The following FNBP1 variants were observed in gnomAD, a reference collection of about 807,000 sequenced individuals.
FNBP1 encodes the protein formin-binding protein 1.
A neutral mutation model predicts 90.6 loss-of-function variants in FNBP1; 26 were observed. The observed-to-expected ratio is 0.29, with a 90% CI of 0.21 to 0.40. FNBP1 has a LOEUF of 0.40. Ranked by LOEUF, FNBP1 falls within the 10% of genes least tolerant of loss-of-function variation. FNBP1 has a pLI of 1.00. For synonymous variants in FNBP1, 260 were observed against 265.2 expected, an observed-to-expected ratio of 0.98 and a Z score of 0.19; for missense variants, 635 against 768.0, an observed-to-expected ratio of 0.83 and a Z score of 2.05.
At chr9:129,913,788 CA>C (rs2039776524) in intron 11 of FNBP1, among the ~76,000 whole-genome samples, 1 of 151,934 alleles carries the variant, frequency 6.6e-6, no homozygotes, top group African/African-American at 2.4e-5. Context: ...AAAAAAAAAT[CA>C]AACCCTTGCT....
intron 1 of FNBP1, among the ~76,000 whole-genome samples, chr9:130,039,190 A>G (rs2059608912): frequency 1.3e-5 from 2 of 152,344 alleles, no homozygotes; most frequent in African/African-American, 4.8e-5. Context: ...TAGAGGTAAA[A>G]CCTACTTTCT....
Position 129,925,713 on chromosome 9 carries a change from C to T in FNBP1, c.790-556G>A, listed in dbSNP as rs192296573. The stretch of plus-strand genomic sequence containing the variant: ...GGTTTAAGCGATTCTCCTGCCTCAG[C>T]CTCCCGAGTAGCTGGGATTACAGGC... On this transcript the variant is annotated intron_variant, in intron 8 of 16. Transcript: ENST00000446176. 5.9e-4 allele frequency among the ~76,000 whole-genome samples: 88 copies of T among 148,966 alleles called. 2 individuals are homozygous for T. In the East Asian group the frequency reaches 0.017, roughly 29 times the overall value.
chr9:129,997,611 C>T (rs996620970), intron 1 of FNBP1, among the ~76,000 whole-genome samples: 9 of 152,192 alleles, frequency 5.9e-5, no homozygotes. Context: ...ATTGAGAGCA[C>T]GACTTCGTCA....
chr9:129,968,488 A>G (rs1319192882), intron 4 of FNBP1, among the ~76,000 whole-genome samples: 1 of 151,978 alleles, frequency 6.6e-6, no homozygotes, highest in Non-Finnish European at 1.5e-5. Context: ...CCTTCATGCT[A>G]AGCTTTACCT....
chr9:130,043,829 C>T (rs1316091198), upstream of FNBP1, among the ~76,000 whole-genome samples: 1 of 152,244 alleles, frequency 6.6e-6, no homozygotes, highest in Non-Finnish European at 1.5e-5. Context: ...CGTGAAATCA[C>T]GTTACCGCCT....
intron 1 of FNBP1, among the ~76,000 whole-genome samples, chr9:130,016,096 CTG>C (rs2057207141): frequency 1.3e-5 from 2 of 152,130 alleles, no homozygotes; most frequent in Admixed American, 6.6e-5. Flanking sequence ...ATTAAGGTAA[CTG>C]TCTTATTTTG....
At chr9:129,997,360 T>C (rs2054169935) in intron 1 of FNBP1, among the ~76,000 whole-genome samples, 1 of 152,094 alleles carries the variant, frequency 6.6e-6, no homozygotes, top group Non-Finnish European at 1.5e-5. Context: ...AAAACAAAAG[T>C]GCAAAATGTT....
chr9:130,048,825 G>C, the FNBP1 span, among the ~76,000 whole-genome samples: 1 of 130,270 alleles, frequency 7.7e-6, no homozygotes, highest in African/African-American at 3.0e-5. Flanking sequence ...CTGTCGCCCA[G>C]GCTGGAGTGC....
intron 4 of FNBP1, among the ~76,000 whole-genome samples, chr9:129,963,965 T>G (rs995706780): frequency 1.3e-5 from 2 of 152,068 alleles, no homozygotes; most frequent in Non-Finnish European, 2.9e-5. Context: ...GGCCATAACA[T>G]ACGAAAAACT....
At chr9:129,935,527 G>A (rs971803154) in intron 6 of FNBP1, among the ~76,000 whole-genome samples, 2 of 151,188 alleles carry the variant, frequency 1.3e-5, no homozygotes, top group African/African-American at 4.9e-5. Context: ...TCACTCTGTT[G>A]CCCAGGCTGG....
At chr9:129,903,332 G>A (rs1038668187) in intron 12 of FNBP1, among the ~76,000 whole-genome samples, 3 of 151,856 alleles carry the variant, frequency 2.0e-5, no homozygotes, top group African/African-American at 4.8e-5. Context: ...GATTATAGGC[G>A]TGAGCTACCG....
chr9:130,019,426 T>C (rs914921462), intron 1 of FNBP1, among the ~76,000 whole-genome samples: 3 of 152,216 alleles, frequency 2.0e-5, no homozygotes, highest in Admixed American at 6.5e-5. Context: ...AAAAAGTCTT[T>C]ATAGGTTCAA....
Position 129,900,218 on chromosome 9 carries a change from T to A in FNBP1, c.1551-117A>T. 2 of 1,244,126 alleles carry A rather than the reference T, an allele frequency of 1.6e-6. No individual in the cohort carries two copies. The highest frequency in any genetic ancestry group is 2.2e-6 in the Non-Finnish European group (2 of 920,432). The allele number at this position is 1,244,126 out of a possible 1,614,324, so 77.1% of individuals were successfully genotyped here. A position where few individuals can be genotyped will look rare whatever the true frequency, so the allele number is the denominator to read the frequency against. ...CCCGCCCCTCAGCGAGTGCTGTAAC[T>A]GAGGCCATGGTAAATCATCGCACGC... is the stretch of plus-strand genomic sequence containing the variant. On this transcript the variant is annotated intron_variant, in intron 14 of 16. Transcript: ENST00000446176. This position sits in a 1 kb window ranked among gnomAD's most constrained non-coding sequence, Gnocchi z 4.1.
intron 10 of FNBP1, among the ~76,000 whole-genome samples, chr9:129,922,722 A>T (rs2041284797): frequency 6.6e-6 from 1 of 152,146 alleles, no homozygotes; most frequent in Admixed American, 6.6e-5. Flanking sequence ...AGCGAATGAA[A>T]CCACTGTGAC....
intron 1 of FNBP1, among the ~76,000 whole-genome samples, chr9:130,034,998 A>T (rs2059179999): frequency 6.6e-6 from 1 of 152,090 alleles, no homozygotes; most frequent in Admixed American, 6.6e-5. Context: ...AAAATACAAA[A>T]ATTAGCAGAG....
At chr9:129,929,877 T>C (rs2042467909) in intron 6 of FNBP1, among the ~76,000 whole-genome samples, 182 bp from the exon 7 acceptor site, 1 of 152,190 alleles carries the variant, frequency 6.6e-6, no homozygotes, top group Admixed American at 6.6e-5. Flanking sequence ...ATGTGCATCC[T>C]AGTTTGTATA....
At chr9:129,905,066 TATG>T (rs1379445035) in intron 12 of FNBP1, among the ~76,000 whole-genome samples, 1 of 151,814 alleles carries the variant, frequency 6.6e-6, no homozygotes, top group Non-Finnish European at 1.5e-5. Flanking sequence ...TGTCCACCCT[TATG>T]ATGTCCTTTC....
intron 6 of FNBP1, among the ~76,000 whole-genome samples, chr9:129,945,808 C>T (rs992194611): frequency 2.0e-5 from 3 of 152,162 alleles, no homozygotes. Context: ...TTAAAATTGA[C>T]AGATTCCTAT....
intron 2 of FNBP1, among the ~76,000 whole-genome samples, chr9:129,993,643 G>A (rs1420829312): frequency 2.5e-5 from 2 of 79,412 alleles, no homozygotes; most frequent in Non-Finnish European, 4.9e-5. Context: ...TTTTTTTTTT[G>A]AGAAGGAGTC....
Sources: gnomAD v4.1 joint callset for allele counts (sites outside exome capture counted in the v4.1 genomes callset) on GRCh38, gnomAD v4.1.1 for gene constraint, Gnocchi (gnomAD v3.1) non-coding constraint, MANE v1.5 for transcripts, NCBI Gene and HGNC (gene_info 2026-07-23, HGNC 2026-07-21) for gene names.